The following VSTM4 variants were observed in gnomAD, a reference collection of about 807,000 sequenced individuals.
VSTM4 encodes V-set and transmembrane domain containing 4, also known as V-set and transmembrane domain-containing protein 4.
In VSTM4, 20 loss-of-function variants were observed where a neutral mutation model predicts 36.4. The ratio of observed to expected loss-of-function variants is 0.55; its 90% CI spans 0.39 to 0.80. VSTM4 has a LOEUF of 0.80. VSTM4 is among the 30% of genes least tolerant of loss of function. The probability of loss-of-function intolerance (pLI) is 0.00; values close to 1 mark genes in which losing one functional copy is unlikely to be tolerated. For synonymous variants in VSTM4, 182 were observed against 173.9 expected (o/e 1.05, Z -0.37); for missense variants, 392 against 404.5 (o/e 0.97, Z 0.26).
At position 49,017,601 on chromosome 10, in the gene VSTM4, G is replaced by A. The variant is rs1031688055; in HGVS notation, c.*2049C>T. Reference sequence around the variant, plus strand: ...AGCTCTCTTTGGATTTAAGTGGGTGGGTTTGGGGGTGAATGAAGTTCATTT... The same window carrying A: ...AGCTCTCTTTGGATTTAAGTGGGTGAGTTTGGGGGTGAATGAAGTTCATTT... On this transcript the variant is annotated 3_prime_UTR_variant, in exon 8 of 8. Coordinates refer to ENST00000332853, the MANE Select transcript of VSTM4 (RefSeq NM_001031746.5). 2.3e-4 allele frequency: 35 copies of A among 152,218 alleles called. No individual in the cohort carries two copies. The highest frequency in any genetic ancestry group is 8.4e-4 in the African/African-American group (35 of 41,438). 9.4% of individuals were successfully genotyped at this position (152,218 alleles called of 1,614,324 possible).
intron 4 of VSTM4, among the ~76,000 whole-genome samples, chr10:49,066,551 A>G (rs1016319718): frequency 2.0e-5 from 3 of 152,224 alleles, no homozygotes; most frequent in African/African-American, 7.2e-5. Flanking sequence ...CTCTGTTTAT[A>G]TTGAAGTATT....
intron 1 of VSTM4, among the ~76,000 whole-genome samples, chr10:49,113,069 C>A (rs1473127822): frequency 6.6e-6 from 1 of 152,178 alleles, no homozygotes; most frequent in African/African-American, 2.4e-5. Flanking sequence ...CAGGGATGTG[C>A]TCGTAGCTGT....
rs965899345 is a variant in VSTM4 at position 49,101,846 on chromosome 10, C to A, written c.457+5748G>T. On this transcript the variant is annotated intron_variant, in intron 2 of 7. Transcript: ENST00000332853. Reference sequence around the variant, plus strand: ...GAAGATTCCTAAGTGTCTATCACTGCGGGAATGATTGGATACAGTTTGGTA... The same window carrying A: ...GAAGATTCCTAAGTGTCTATCACTGAGGGAATGATTGGATACAGTTTGGTA... Among the ~76,000 whole-genome samples, 4 of 152,152 alleles carry A rather than the reference C, an allele frequency of 2.6e-5. No individual in the cohort carries two copies. In the East Asian group the frequency reaches 7.7e-4, roughly 29 times the overall value.
At chr10:49,068,847 G>A (rs890878783) in intron 4 of VSTM4, among the ~76,000 whole-genome samples, 3 of 152,168 alleles carry the variant, frequency 2.0e-5, no homozygotes, top group African/African-American at 7.2e-5. Flanking sequence ...GTGGGCTGTG[G>A]CCTGGCACCA....
rs143076975 is a variant in VSTM4 at position 49,097,194 on chromosome 10, C to A, written c.457+10400G>T. ...GCTGGGGCCCATCTTTCACCAGGAG[C>A]CCCTTGGACACTTATGCTTCATCTT... On this transcript the variant is annotated intron_variant, in intron 2 of 7. Transcript: ENST00000332853. Among the ~76,000 whole-genome samples the A allele has an allele frequency of 2.0e-4, 31 of 152,334 alleles. No homozygotes were observed. The East Asian group carries it at 6.0e-3, about 29-fold the overall frequency.
intron 7 of VSTM4, among the ~76,000 whole-genome samples, chr10:49,041,162 A>C (rs1843515335): frequency 6.6e-6 from 1 of 152,164 alleles, no homozygotes; most frequent in Admixed American, 6.5e-5. Context: ...CGGGAAAATA[A>C]ATCTTGATAT....
At chr10:49,085,928 T>TA (rs374010764) in intron 3 of VSTM4, 27 bp downstream of exon 3, 250 of 1,437,072 alleles carry the variant, frequency 1.7e-4, no homozygotes, top group Admixed American at 1.2e-3. Context: ...TATAGAGCAA[T>TA]AAAAAAAAGA....
chr10:49,030,135 C>T (rs1286085943), intron 7 of VSTM4, among the ~76,000 whole-genome samples: 1 of 152,186 alleles, frequency 6.6e-6, no homozygotes, highest in African/African-American at 2.4e-5. Flanking sequence ...GCTGAGTATC[C>T]AATGGCTACT....
Position 49,018,466 on chromosome 10 carries a change from A to G in VSTM4, c.*1184T>C, listed in dbSNP as rs1564561730. On this transcript the variant is annotated 3_prime_UTR_variant, in exon 8 of 8. Transcript: ENST00000332853. ...CAGCTGTGTTTAAAATAGATAATTT[A>G]TCATATATACATGGTCCACTACATA... 6.6e-6 allele frequency: 1 copy of G among 152,236 alleles called. No individual in the cohort carries two copies. The highest frequency in any genetic ancestry group is 1.5e-5 in the Non-Finnish European group (1 of 68,040). 9.4% of individuals were successfully genotyped at this position (152,236 alleles called of 1,614,324 possible). A position where few individuals can be genotyped will look rare whatever the true frequency, so the allele number is the denominator to read the frequency against.
chr10:49,030,288 G>A (rs1004717161), intron 7 of VSTM4, among the ~76,000 whole-genome samples: 6 of 152,212 alleles, frequency 3.9e-5, no homozygotes, highest in Non-Finnish European at 7.3e-5. Context: ...TCACTCAGAT[G>A]TGAGGGCTGG....
intron 2 of VSTM4, among the ~76,000 whole-genome samples, chr10:49,104,177 T>C (rs1251835445): frequency 6.6e-6 from 1 of 152,132 alleles, no homozygotes; most frequent in Non-Finnish European, 1.5e-5. Flanking sequence ...CGCATAGCTG[T>C]AATCCCAGCT....
chr10:49,052,841 T>C (rs970574767), intron 5 of VSTM4, among the ~76,000 whole-genome samples: 1 of 152,192 alleles, frequency 6.6e-6, no homozygotes, highest in Admixed American at 6.5e-5. Context: ...GAACACCTGC[T>C]TTGTCATCAT....
intron 2 of VSTM4, among the ~76,000 whole-genome samples, chr10:49,093,072 T>C (rs1190780949): frequency 6.6e-6 from 1 of 152,154 alleles, no homozygotes; most frequent in African/African-American, 2.4e-5. Flanking sequence ...CAAGCGCACA[T>C]GTGATCTGAT....
At chr10:49,028,096 C>G (rs1331921524) in intron 7 of VSTM4, among the ~76,000 whole-genome samples, 2 of 152,130 alleles carry the variant, frequency 1.3e-5, no homozygotes, top group Non-Finnish European at 2.9e-5. Context: ...TTTCTTTTAG[C>G]CATTGTTCTA....
At chr10:49,081,111 G>T (rs1844270658) in intron 3 of VSTM4, among the ~76,000 whole-genome samples, 1 of 152,164 alleles carries the variant, frequency 6.6e-6, no homozygotes, top group South Asian at 2.1e-4. Flanking sequence ...TTTGTGGCAG[G>T]ATCCCAGGGC....
chr10:49,078,630 T>C (rs1439185789), intron 3 of VSTM4, among the ~76,000 whole-genome samples: 1 of 152,052 alleles, frequency 6.6e-6, no homozygotes, highest in African/African-American at 2.4e-5. Context: ...AGATGAGTGG[T>C]TGCCAGCAGT....
chr10:49,039,852 G>A (rs568832644), intron 7 of VSTM4, among the ~76,000 whole-genome samples: 3 of 152,244 alleles, frequency 2.0e-5, no homozygotes, highest in South Asian at 2.1e-4. Context: ...GAAAAGTTCC[G>A]CTACTTGGCC....
chr10:49,061,051 C>T (rs1432374030), intron 5 of VSTM4, among the ~76,000 whole-genome samples: 9 of 152,166 alleles, frequency 5.9e-5, no homozygotes, highest in Admixed American at 5.9e-4. Context: ...TCAGTGTCTC[C>T]ATTACTCTAG....
chr10:49,074,915 C>T (rs1237881701), intron 4 of VSTM4, among the ~76,000 whole-genome samples: 1 of 151,974 alleles, frequency 6.6e-6, no homozygotes, highest in East Asian at 2.0e-4. Flanking sequence ...CCTACCGCTC[C>T]CTGGTTTCAG....
Sources: allele counts gnomAD v4.1 joint callset (sites outside exome capture counted in the v4.1 genomes callset), GRCh38; gene constraint gnomAD v4.1.1; transcripts MANE v1.5; gene names NCBI Gene and HGNC (gene_info 2026-07-23, HGNC 2026-07-21).